POGZ: variants seen among roughly 807,000 people sequenced by gnomAD.
The protein encoded by POGZ is pogo transposable element with ZNF domain.
In POGZ, 17 loss-of-function variants were observed where a neutral mutation model predicts 134.6. The ratio of observed to expected loss-of-function variants is 0.13; its 90% CI spans 0.09 to 0.19. POGZ has a LOEUF of 0.19. Ranked by LOEUF, POGZ falls within the 10% of genes least tolerant of loss-of-function variation. The probability of loss-of-function intolerance (pLI) is 1.00; values close to 1 mark genes in which losing one functional copy is unlikely to be tolerated. For synonymous variants in POGZ, 693 were observed against 657.1 expected (o/e 1.05, Z -0.84); for missense variants, 1,306 against 1,769.7 (o/e 0.74, Z 4.70).
chr1:151,456,897 T>C (rs545880809), intron 1 of POGZ, among the ~76,000 whole-genome samples: 7 of 152,000 alleles, frequency 4.6e-5, no homozygotes, highest in African/African-American at 1.2e-4. Context: ...AAAAATAGAA[T>C]AATAAATTTT....
intron 3 of POGZ, among the ~76,000 whole-genome samples, chr1:151,438,009 G>T (rs1334820232): frequency 6.6e-6 from 1 of 152,040 alleles, no homozygotes; most frequent in Non-Finnish European, 1.5e-5. Flanking sequence ...AGGAGTTCGA[G>T]ACCAGCCTGG....
rs200348474 is a variant in POGZ, at chr1:151,432,159, G to C, written c.284-1318C>G. 4.6e-5 allele frequency among the ~76,000 whole-genome samples: 7 copies of C among 152,018 alleles called. No individual in the cohort carries two copies. The East Asian group carries it at 7.7e-4, about 17-fold the overall frequency. On this transcript the variant is annotated intron_variant, in intron 3 of 18. Coordinates refer to ENST00000271715, the MANE Select transcript of POGZ (RefSeq NM_015100.4). ...ACTCCAGCCTGGGCGACAGAGCAAG[G>C]CTCTGTCTCAAAACAACAACAACAG...
intron 3 of POGZ, among the ~76,000 whole-genome samples, chr1:151,435,229 T>C (rs1659383206): frequency 6.6e-6 from 1 of 152,086 alleles, no homozygotes; most frequent in Non-Finnish European, 1.5e-5. Flanking sequence ...TTTACTTCCA[T>C]ACCCTTAAAG....
At chr1:151,452,820 T>C (rs1177080205) in intron 1 of POGZ, among the ~76,000 whole-genome samples, 3 of 151,100 alleles carry the variant, frequency 2.0e-5, no homozygotes, top group African/African-American at 7.3e-5. Flanking sequence ...GCCAAGATTG[T>C]GCCACTGCAC....
In POGZ at chr1:151,405,126, G is replaced by A. The variant is rs770391687; in HGVS notation, c.3909C>T (p.Val1303=). The part of the protein sequence containing the change: ...DSDVLLQLVL[V]WLGEVLGVIG... ...TGACACCTAGCACTTCACCCAGCCA[G>A]ACAAGCACCAGCTGAAGCAGGACAT... Residue 1303 remains valine, a synonymous_variant, in exon 19 of 19, where the codon GTC becomes GTT. Coordinates refer to ENST00000271715, the MANE Select transcript of POGZ (RefSeq NM_015100.4). The surrounding 1 kb of genome is among the most constrained non-coding windows in gnomAD (Gnocchi z 4.9). The A allele has an allele frequency of 7.1e-5, 115 of 1,614,108 alleles. No individual in the cohort carries two copies. The highest frequency in any genetic ancestry group is 9.5e-5 in the Non-Finnish European group (112 of 1,180,040).
At position 151,406,313 on chromosome 1, in the gene POGZ, G is replaced by C. The variant is rs1174342626; in HGVS notation, c.2722C>G (p.Leu908Val). The change falls in exon 19 of 19, where the codon CTC becomes GTC. Residue 908 changes from leucine (L) to valine (V), a missense_variant. By Grantham distance (32) the Leu-to-Val change is conservative (BLOSUM62 1). This residue lies in a region of POGZ where 214 missense variants were observed against 255.5 expected (regional missense o/e 0.84). Transcript: ENST00000271715. ...EELLTPLAPA[L>V]PSPASTATPP... is the part of the protein sequence containing the mutation. ...GTTGCAGTTGAGGCTGGTGATGGGA[G>C]TGCTGGGGCTAAGGGAGTTAGTAGC... is the stretch of plus-strand genomic sequence containing the variant. 6.2e-7 allele frequency: 1 copy of C among 1,610,422 alleles called. No homozygotes were observed. Among genetic ancestry groups the C allele is most frequent in the Non-Finnish European group, 8.5e-7 (1 of 1,177,968 alleles).
chr1:151,443,014 A>G (rs565169183), intron 1 of POGZ, among the ~76,000 whole-genome samples: 9 of 152,094 alleles, frequency 5.9e-5, no homozygotes, highest in Middle Eastern at 6.8e-3. Context: ...TGGGCAATAG[A>G]GACTCCGTCT....
At chr1:151,452,343 T>C (rs541848168) in intron 1 of POGZ, among the ~76,000 whole-genome samples, 7 of 151,704 alleles carry the variant, frequency 4.6e-5, no homozygotes, top group Non-Finnish European at 8.8e-5. Flanking sequence ...GTTAAGCAAA[T>C]ACATAGATAT....
At chr1:151,408,045 AAG>A (rs1224822279) in intron 15 of POGZ, 53 bp downstream of exon 15, 20 of 1,402,908 alleles carry the variant, frequency 1.4e-5, no homozygotes, top group South Asian at 5.2e-5. Context: ...GAAGAAGAAG[AAG>A]AAAAAAAGAA....
intron 10 of POGZ, among the ~76,000 whole-genome samples, chr1:151,417,144 A>C (rs11589645): frequency 0.64 from 96,382 of 150,290 alleles, 34,419 homozygotes; most frequent in Non-Finnish European, 0.82. Flanking sequence ...GCTCACTGCA[A>C]CCTTCGCCTC....
At chr1:151,413,434 G>T (rs908284414) in intron 10 of POGZ, among the ~76,000 whole-genome samples, 1 of 151,908 alleles carries the variant, frequency 6.6e-6, no homozygotes, top group African/African-American at 2.4e-5. Flanking sequence ...GCCAATTTTG[G>T]TAAGACTTTT....
chr1:151,407,900 T>C (rs564321032), intron 15 of POGZ, among the ~76,000 whole-genome samples, 200 bp downstream of exon 15: 1 of 150,876 alleles, frequency 6.6e-6, no homozygotes, highest in East Asian at 2.0e-4. Context: ...TAATCCCAGC[T>C]ACTTGGGAGG....
chr1:151,431,472 C>T (rs4246527), intron 3 of POGZ, among the ~76,000 whole-genome samples: 120,722 of 152,216 alleles, frequency 0.79, 48,231 homozygotes, highest in Non-Finnish European at 0.83. Context: ...ATTCAGCAAG[C>T]ACACAGAATC....
chr1:151,404,929 G>C lies in POGZ; in HGVS notation c.4106C>G (p.Pro1369Arg). 6.2e-7 allele frequency: 1 copy of C among 1,614,188 alleles called. No homozygotes were observed. ...LSGEHSESST[P>R]RPRSSPEETI... ...CTCTTCAGGAGATGATCTGGGTCGT[G>C]GAGTGGAAGACTCAGAATGTTCCCC... Residue 1369 changes from proline to arginine, a missense_variant, in exon 19 of 19, where the codon CCA (proline) becomes CGA (arginine). Transcript: ENST00000271715.
At chr1:151,429,865 T>G (rs2102303943) in intron 4 of POGZ, among the ~76,000 whole-genome samples, 154 bp from the exon 5 acceptor site, 1 of 152,288 alleles carries the variant, frequency 6.6e-6, no homozygotes, top group Non-Finnish European at 1.5e-5. Flanking sequence ...AGGGAAAAAT[T>G]TAGGAAATTC....
Position 151,412,149 on chromosome 1 carries a change from T to TA in POGZ, c.1779+146dup, listed in dbSNP as rs1329721408. On this transcript the variant is annotated intron_variant, in intron 11 of 18. Coordinates refer to ENST00000271715, the MANE Select transcript of POGZ (RefSeq NM_015100.4). ...TTCTCCTGCATGGAAACCCTGAAGA[T>TA]AAACTGTGTTTACTATTTCTTCTGT... The TA allele has an allele frequency of 1.5e-4, 81 of 551,762 alleles. No homozygotes were observed. The South Asian group carries it at 1.9e-3, about 13-fold the overall frequency. The allele number at this position is 551,762 out of a possible 1,614,324, so 34.2% of individuals were successfully genotyped here.
intron 1 of POGZ, among the ~76,000 whole-genome samples, chr1:151,451,275 T>C (rs976294651): frequency 3.3e-5 from 5 of 151,086 alleles, no homozygotes; most frequent in African/African-American, 1.2e-4. Context: ...GTATGAAGTA[T>C]TACTGACAAT....
At chr1:151,424,604 A>C in intron 8 of POGZ, 1 of 303,300 alleles carries the variant, frequency 3.3e-6, no homozygotes, top group Non-Finnish European at 6.1e-6. Flanking sequence ...AAAAATGAAA[A>C]GCTAAAAAAT....
chr1:151,458,201 TAAG>T, intron 1 of POGZ, among the ~76,000 whole-genome samples: 1 of 151,738 alleles, frequency 6.6e-6, no homozygotes, highest in South Asian at 2.1e-4. Flanking sequence ...AGGAAGGAAA[TAAG>T]AACAACACGC....
Sources: allele counts gnomAD v4.1 joint callset (sites outside exome capture counted in the v4.1 genomes callset), GRCh38; gene constraint gnomAD v4.1.1; regional missense constraint gnomAD v4.1.1; non-coding constraint Gnocchi (gnomAD v3.1); transcripts MANE v1.5; gene names NCBI Gene and HGNC (gene_info 2026-07-23, HGNC 2026-07-21).